The following SYNGR1 variants were observed in gnomAD, a reference collection of about 807,000 sequenced individuals.
SYNGR1 encodes the protein synaptogyrin 1.
A neutral mutation model predicts 26.1 loss-of-function variants in SYNGR1; 14 were observed. The ratio of observed to expected loss-of-function variants is 0.54; its 90% confidence interval spans 0.35 to 0.84. SYNGR1 has a LOEUF of 0.84. Ranked by LOEUF, SYNGR1 falls within the 40% of genes least tolerant of loss-of-function variation. The pLI is 0.01. For synonymous variants in SYNGR1, 141 were observed against 150.1 expected (o/e 0.94, Z 0.44); for missense variants, 319 against 332.9 (o/e 0.96, Z 0.33).
intron 1 of SYNGR1, among the ~76,000 whole-genome samples, chr22:39,361,656 G>A (rs895091864): frequency 5.9e-5 from 9 of 151,882 alleles, no homozygotes; most frequent in Non-Finnish European, 1.0e-4. Context: ...CATCACGCCC[G>A]GCCAATCCTG....
rs958298812 is a variant in SYNGR1 at position 39,382,178 on chromosome 22, A to G, written c.*264A>G. On this transcript the variant is annotated 3_prime_UTR_variant, in exon 4 of 4. Transcript: ENST00000328933. Reference sequence around the variant, plus strand: ...TTTGCATTCATACATTGTGTCATCAAGCATTCCTTGAGCGCCTACTGGGCA... The same window carrying G: ...TTTGCATTCATACATTGTGTCATCAGGCATTCCTTGAGCGCCTACTGGGCA... The G allele has an allele frequency of 1.7e-6, 1 of 573,000 alleles. No individual in the cohort carries two copies. The highest frequency in any genetic ancestry group is 3.0e-5 in the Admixed American group (1 of 32,992). The allele number at this position is 573,000 out of a possible 1,614,324, so 35.5% of individuals were successfully genotyped here.
chr22:39,356,883 G>A (rs1202298198), intron 1 of SYNGR1, among the ~76,000 whole-genome samples: 3 of 152,156 alleles, frequency 2.0e-5, no homozygotes, highest in East Asian at 3.8e-4. Flanking sequence ...GGTGGATCCC[G>A]ACCTTTCCAC....
chr22:39,374,785 T>C, intron 2 of SYNGR1: 1 of 583,916 alleles, frequency 1.7e-6, no homozygotes, highest in Non-Finnish European at 3.1e-6. Flanking sequence ...GTGGATGGGA[T>C]TCTAGTTCCT....
intron 1 of SYNGR1, among the ~76,000 whole-genome samples, chr22:39,357,173 C>T (rs1232247364): frequency 1.3e-5 from 2 of 151,806 alleles, no homozygotes; most frequent in Non-Finnish European, 2.9e-5. Context: ...GGCTGAGGCA[C>T]GAGAATCGCC....
intron 1 of SYNGR1, among the ~76,000 whole-genome samples, chr22:39,351,618 CT>C (rs909279893): frequency 2.6e-5 from 4 of 152,270 alleles, no homozygotes; most frequent in African/African-American, 4.8e-5. Flanking sequence ...CTGCCCACCC[CT>C]GGGCCTCTGG....
Position 39,350,483 on chromosome 22 carries a change from G to T in SYNGR1, c.99+374G>T, listed in dbSNP as rs1323295556. ...TGGGGACCGTGGGGACGGAGCCAGG[G>T]TTTAAGGTGGCCTTTTTTGGGGGGT... On this transcript the variant is annotated intron_variant, in intron 1 of 3. Transcript: ENST00000328933. This position sits in a 1 kb window ranked among gnomAD's most constrained non-coding sequence, Gnocchi z 4.3. 1.3e-5 allele frequency among the ~76,000 whole-genome samples: 2 copies of T among 152,172 alleles called. No individual in the cohort carries two copies. Among genetic ancestry groups the T allele is most frequent in the African/African-American group, 4.8e-5 (2 of 41,452 alleles).
rs945003890 is a variant in SYNGR1 at position 39,385,434 on chromosome 22, A to AC, written c.*3527dup. ...TCCCCATCCTGGGCCCCCACTCTAG[A>AC]CCCCCCCACCACCTGGTTAAGTCTC... On this transcript the variant is annotated 3_prime_UTR_variant, in exon 4 of 4. Coordinates refer to ENST00000328933, the MANE Select transcript of SYNGR1 (RefSeq NM_004711.5). The AC allele has an allele frequency of 1.3e-5, 2 of 151,700 alleles. No individual in the cohort carries two copies. The highest frequency in any genetic ancestry group is 2.4e-5 in the African/African-American group (1 of 40,986). The allele number at this position is 151,700 out of a possible 1,614,324, so 9.4% of individuals were successfully genotyped here. A position where few individuals can be genotyped will look rare whatever the true frequency, so the allele number is the denominator to read the frequency against.
chr22:39,377,649 GAGGAGTACAGCACA>G (rs1925347471), intron 3 of SYNGR1: 1 of 1,613,880 alleles, frequency 6.2e-7, no homozygotes, highest in African/African-American at 1.3e-5. Context: ...AAGCTTCCAG[GAGGAGTACAGCACA>G]CTGTTCCCTG....
rs989007807 is a variant in SYNGR1, at chr22:39,384,396, C to G, written c.*2482C>G. 5.0e-6 allele frequency: 2 copies of G among 397,644 alleles called. No individual in the cohort carries two copies. Among genetic ancestry groups the G allele is most frequent in the African/African-American group, 4.1e-5 (2 of 48,630 alleles). The allele number at this position is 397,644 out of a possible 1,614,324, so 24.6% of individuals were successfully genotyped here. On this transcript the variant is annotated 3_prime_UTR_variant, in exon 4 of 4. Transcript: ENST00000328933. ...CTGCCAGGAATGGGGGGTGCTGAGT[C>G]ATCTCACGAAGAATCCCTCACTCTT...
rs1280784883 is a variant in SYNGR1 at position 39,350,685 on chromosome 22, T to C, written c.99+576T>C. ...CTGCCTCTCCTTCTCTGCGTGACCT[T>C]GGGCTGGGAGCCACCCAGGAAATGT... is the stretch of plus-strand genomic sequence containing the variant. On this transcript the variant is annotated intron_variant, in intron 1 of 3. Transcript: ENST00000328933. The surrounding 1 kb of genome is among the most constrained non-coding windows in gnomAD (Gnocchi z 4.3). Among the ~76,000 whole-genome samples, 2 of 152,168 alleles carry C rather than the reference T, an allele frequency of 1.3e-5. No homozygotes were observed. The highest frequency in any genetic ancestry group is 2.9e-5 in the Non-Finnish European group (2 of 68,018).
At chr22:39,378,373 G>GTTCATTCA (rs61426542) in intron 3 of SYNGR1, 26,299 of 869,918 alleles carry the variant, frequency 0.03, 394 homozygotes, top group South Asian at 0.032. Context: ...AAGCTCTTTT[G>GTTCATTCA]TTCATTCATT....
intron 3 of SYNGR1, among the ~76,000 whole-genome samples, chr22:39,379,338 A>C (rs1925419737): frequency 1.3e-5 from 2 of 152,208 alleles, no homozygotes. Flanking sequence ...AGTACAATCA[A>C]AAGGTAATGC....
chr22:39,385,339 A>G lies in SYNGR1; in HGVS notation c.*3425A>G, dbSNP rs149582119. On this transcript the variant is annotated 3_prime_UTR_variant, in exon 4 of 4. Transcript: ENST00000328933. ...ATAAATATATATATTTTCTATATATAAGATGTATAATATAAGGCTCCACAA... is the reference window on the plus strand; with the variant it reads ...ATAAATATATATATTTTCTATATATGAGATGTATAATATAAGGCTCCACAA... 2 of 160,622 alleles carry G rather than the reference A, an allele frequency of 1.2e-5. No individual in the cohort carries two copies. Among genetic ancestry groups the G allele is most frequent in the East Asian group, 3.4e-4 (2 of 5,882 alleles). The allele number at this position is 160,622 out of a possible 1,614,324, so 9.9% of individuals were successfully genotyped here.
rs75472301 is a variant in SYNGR1 at position 39,376,176 on chromosome 22, C to G, written c.462C>G (p.Ser154=). ...TDAARAAIAF[S]FFSIFTWAGQ... ...CAGCCCGGGCCGCCATCGCCTTCTC[C>G]TTTTTCTCCATCTTCACCTGGGTGA... Residue 154 remains serine, a synonymous_variant, in exon 3 of 4, where the codon TCC becomes TCG. Coordinates refer to ENST00000328933, the MANE Select transcript of SYNGR1 (RefSeq NM_004711.5). 6.3e-4 allele frequency: 1,022 copies of G among 1,614,210 alleles called. 6 individuals are homozygous for G. The African/African-American group carries it at 0.012, about 19-fold the overall frequency.
At chr22:39,351,554 G>A (rs1339659740) in intron 1 of SYNGR1, among the ~76,000 whole-genome samples, 1 of 152,262 alleles carries the variant, frequency 6.6e-6, no homozygotes, top group Non-Finnish European at 1.5e-5. Context: ...AAAGGTGGGA[G>A]CCCTGGGGGG....
intron 1 of SYNGR1, among the ~76,000 whole-genome samples, chr22:39,365,644 AG>A (rs138288007): frequency 0.064 from 9,766 of 152,078 alleles, 1,028 homozygotes; most frequent in African/African-American, 0.23. Flanking sequence ...ACAGCCCTGC[AG>A]GGGGTTCAGG....
chr22:39,360,657 G>A (rs768997450), intron 1 of SYNGR1, among the ~76,000 whole-genome samples: 1 of 152,170 alleles, frequency 6.6e-6, no homozygotes, highest in African/African-American at 2.4e-5. Context: ...GCCGGATGAG[G>A]TGCCTGGTCT....
intron 1 of SYNGR1, among the ~76,000 whole-genome samples, chr22:39,354,990 G>T (rs75645161): frequency 6.6e-6 from 1 of 152,198 alleles, no homozygotes; most frequent in African/African-American, 2.4e-5. Flanking sequence ...AGGGTCCAGG[G>T]TAGAGACAGA....
In SYNGR1 at chr22:39,376,111, T is replaced by C. The variant is rs769970161; in HGVS notation, c.397T>C (p.Ser133Pro). 18 of 1,614,200 alleles carry C rather than the reference T, an allele frequency of 1.1e-5. No individual in the cohort carries two copies. The highest frequency in any genetic ancestry group is 1.5e-5 in the Non-Finnish European group (18 of 1,180,030). The change falls in exon 3 of 4, where the codon TCC (serine) becomes CCC (proline). Residue 133 changes from serine (S) to proline (P), a missense_variant. Transcript: ENST00000328933. ...CTACCTGGCCAACCAGTGGCAGGTC[T>C]CCAAGCCCAAGGACAACCCACTGAA... ...FCYLANQWQV[S>P]KPKDNPLNEG...
Sources: gnomAD v4.1 joint callset for allele counts (sites outside exome capture counted in the v4.1 genomes callset) on GRCh38, gnomAD v4.1.1 for gene constraint, Gnocchi (gnomAD v3.1) non-coding constraint, MANE v1.5 for transcripts, NCBI Gene and HGNC (gene_info 2026-07-23, HGNC 2026-07-21) for gene names.